Variants in ZNF254 observed in about 807,000 individuals in gnomAD.
The protein encoded by ZNF254 is zinc finger protein 254, also known as CTD-2017D11.1.
ZNF254 carries 10 observed loss-of-function variants against 12.4 expected under a neutral mutation model. The ratio of observed to expected loss-of-function variants is 0.80; its 90% CI spans 0.50 to 1.36. The LOEUF (loss-of-function observed/expected upper bound fraction) is 1.36. Ranked by LOEUF, ZNF254 falls within the 40% of genes most tolerant of loss-of-function variation. The pLI is 0.00. For missense variants in ZNF254, 996 were observed against 763.9 expected, an observed-to-expected ratio of 1.30 and a Z score of -3.58; for synonymous variants, 305 against 253.4, an observed-to-expected ratio of 1.20 and a Z score of -1.93.
chr19:24,084,684 G>A (rs545234619), upstream of ZNF254, among the ~76,000 whole-genome samples: 150 of 152,166 alleles, frequency 9.9e-4, 1 homozygote, highest in African/African-American at 3.5e-3. Flanking sequence ...ATAGAGTGCA[G>A]TGGCTTAATC....
At chr19:24,088,280 C>T (rs1321288471) in intron 1 of ZNF254, among the ~76,000 whole-genome samples, 3 of 152,016 alleles carry the variant, frequency 2.0e-5, no homozygotes, top group Non-Finnish European at 4.4e-5. Flanking sequence ...TCAGCTTATT[C>T]TTGGTTAAGC....
In ZNF254 at chr19:24,080,969, C is replaced by T. The variant is rs146002619; in HGVS notation, c.-93-24971C>T. ...GCACATGCTTGTAATCCCAGCTACT[C>T]AGGAGGCTTAGGCAAGAGATTCACA... On this transcript the variant is annotated intron_variant, in intron 2 of 4. Transcript: ENST00000613065. Among the ~76,000 whole-genome samples, 10 of 147,988 alleles carry T rather than the reference C, an allele frequency of 6.8e-5. No individual in the cohort carries two copies. In the East Asian group the frequency reaches 2.1e-3, roughly 31 times the overall value.
chr19:24,062,099 A>AAG (rs1245101305), intron 2 of ZNF254, among the ~76,000 whole-genome samples: 1 of 135,138 alleles, frequency 7.4e-6, no homozygotes. Flanking sequence ...AAAAAAAAAA[A>AAG]AAAGAAAAAG....
At chr19:24,100,722 T>C (rs1972970306) in intron 1 of ZNF254, among the ~76,000 whole-genome samples, 1 of 151,892 alleles carries the variant, frequency 6.6e-6, no homozygotes, top group South Asian at 2.1e-4. Flanking sequence ...TTGTAACTGC[T>C]GCTAATCAAA....
rs574835433 is a variant in ZNF254, at chr19:24,094,687, T to A, written c.30+7350T>A. Among the ~76,000 whole-genome samples the A allele has an allele frequency of 2.7e-4, 41 of 152,260 alleles. 1 individual carries two copies. The South Asian group carries it at 8.5e-3, about 32-fold the overall frequency. ...TTCCAAAGAAGAATGCTTCGGGTTT[T>A]TTTTTTCTTTTCTTTTTGAGATAGA... is the stretch of plus-strand genomic sequence containing the variant. On this transcript the variant is annotated intron_variant, in intron 1 of 3. Coordinates refer to ENST00000357002, the MANE Select transcript of ZNF254 (RefSeq NM_203282.4).
upstream of ZNF254, among the ~76,000 whole-genome samples, chr19:24,085,831 A>T (rs563494134): frequency 2.6e-5 from 4 of 152,250 alleles, no homozygotes; most frequent in Non-Finnish European, 5.9e-5. Flanking sequence ...AAAGTTAGAA[A>T]CATTTTGTCT....
At chr19:24,049,199 TATATATATATATA>T (rs1359204149) in intron 2 of ZNF254, among the ~76,000 whole-genome samples, 208 of 67,272 alleles carry the variant, frequency 3.1e-3, no homozygotes, top group Non-Finnish European at 4.7e-3. Context: ...TATATATATA[TATATATATATATA>T]TATTTTTTTT....
intron 2 of ZNF254, among the ~76,000 whole-genome samples, chr19:24,050,599 A>G (rs1370059169): frequency 6.6e-6 from 1 of 152,178 alleles, no homozygotes; most frequent in African/African-American, 2.4e-5. Context: ...AATTTAGCAT[A>G]CAGGTGATAT....
At chr19:24,078,336 A>C (rs554735871) in intron 2 of ZNF254, 1 of 152,270 alleles carries the variant, frequency 6.6e-6, no homozygotes, top group Non-Finnish European at 1.5e-5. Context: ...AAAGACATTT[A>C]CTTTCTGACT....
Position 24,128,098 on chromosome 19 carries a change from T to C in ZNF254, c.*118T>C, listed in dbSNP as rs766277753. ...ATGCTTTTGACAGTACCTAAAACTT[T>C]AAAGAAAATCATTCTGCTGAAAAAT... On this transcript the variant is annotated 3_prime_UTR_variant, in exon 4 of 4. Transcript: ENST00000357002. The C allele has an allele frequency of 1.9e-6, 2 of 1,040,640 alleles. No homozygotes were observed. Among genetic ancestry groups the C allele is most frequent in the East Asian group, 2.8e-5 (1 of 36,300 alleles). 64.5% of individuals were successfully genotyped at this position (1,040,640 alleles called of 1,614,324 possible). A position where few individuals can be genotyped will look rare whatever the true frequency, so the allele number is the denominator to read the frequency against.
chr19:24,036,840 C>T (rs763145575), intron 1 of ZNF254, among the ~76,000 whole-genome samples: 12 of 152,112 alleles, frequency 7.9e-5, no homozygotes, highest in African/African-American at 1.9e-4. Flanking sequence ...CAATGATTTC[C>T]GCCTACTAAT....
intron 1 of ZNF254, among the ~76,000 whole-genome samples, chr19:24,094,258 A>ATTTATT (rs1215161754): frequency 1.3e-5 from 2 of 151,996 alleles, no homozygotes; most frequent in East Asian, 1.9e-4. Flanking sequence ...AATGCCTTTT[A>ATTTATT]TTTATTTTTA....
rs148999612 is a variant in ZNF254, at chr19:24,044,997, A to G, written c.-189-1187A>G. Among the ~76,000 whole-genome samples, 105 of 152,314 alleles carry G rather than the reference A, an allele frequency of 6.9e-4. 3 individuals carry two copies. The East Asian group carries it at 0.01, about 15-fold the overall frequency. ...TTACCTTCAGAATATCTAATGTCTA[A>G]TAACTATGATACCGTACCTTGTTTT... On this transcript the variant is annotated intron_variant, in intron 1 of 4. Transcript: ENST00000613065.
chr19:24,105,576 T>G (rs1466506046), intron 1 of ZNF254: 8 of 230,024 alleles, frequency 3.5e-5, no homozygotes, highest in Non-Finnish European at 6.0e-5. Context: ...ACTCAAGATG[T>G]CTATTTTGTC....
At chr19:24,045,043 C>T (rs1012096114) in intron 1 of ZNF254, among the ~76,000 whole-genome samples, 1 of 152,156 alleles carries the variant, frequency 6.6e-6, no homozygotes, top group African/African-American at 2.4e-5. Flanking sequence ...TCTCTCTTAG[C>T]TGAGAGAGCC....
intron 3 of ZNF254, chr19:24,107,115 A>T (rs1465899040): frequency 4.1e-6 from 2 of 490,468 alleles, no homozygotes; most frequent in African/African-American, 4.0e-5. Flanking sequence ...GTCTTGAAAT[A>T]TAGTTTGAAA....
intron 1 of ZNF254, among the ~76,000 whole-genome samples, chr19:24,099,213 G>A (rs868236623): frequency 6.7e-6 from 1 of 149,210 alleles, no homozygotes; most frequent in East Asian, 2.0e-4. Context: ...CACCATGTTG[G>A]CCAGGCTGGT....
At chr19:24,066,783 G>C (rs112527963) in intron 2 of ZNF254, 19,624 of 152,122 alleles carry the variant, frequency 0.13, 1,518 homozygotes, top group Middle Eastern at 0.21. Context: ...GCCTGTAGTT[G>C]CAGCTACTCA....
chr19:24,089,401 G>A (rs369020833), intron 1 of ZNF254, among the ~76,000 whole-genome samples: 1 of 152,046 alleles, frequency 6.6e-6, no homozygotes, highest in East Asian at 1.9e-4. Context: ...AAATATCTCT[G>A]CGTTTTTTTT....
Sources: gnomAD v4.1 joint callset for allele counts (sites outside exome capture counted in the v4.1 genomes callset) on GRCh38, gnomAD v4.1.1 for gene constraint, MANE v1.5 for transcripts, NCBI Gene and HGNC (gene_info 2026-07-23, HGNC 2026-07-21) for gene names.